AFF2: variants seen among roughly 807,000 people sequenced by gnomAD.
AFF2 encodes the protein AF4/FMR2 family member 2.
In AFF2, 14 loss-of-function variants were observed where a neutral mutation model predicts 76.9. The ratio of observed to expected loss-of-function variants is 0.18; its 90% CI spans 0.12 to 0.28. The LOEUF is 0.28. Among genes scored for constraint, AFF2 ranks in the 10% least tolerant of loss-of-function variants. The pLI is 1.00. For missense variants in AFF2, 868 were observed against 1,001.1 expected, an observed-to-expected ratio of 0.87 and a Z score of 1.79; for synonymous variants, 398 against 366.7, an observed-to-expected ratio of 1.09 and a Z score of -0.98.
chrX:148,781,297 C>T (rs782752252), intron 3 of AFF2, among the ~76,000 whole-genome samples: 3 of 112,388 alleles, frequency 2.7e-5, no homozygotes, highest in Admixed American at 1.9e-4. Flanking sequence ...CAGGCAGGAA[C>T]GTTTAAGTCT....
At chrX:148,922,954 A>G (rs1405606767) in intron 9 of AFF2, among the ~76,000 whole-genome samples, 1 of 112,130 alleles carries the variant, frequency 8.9e-6, no homozygotes, top group African/African-American at 3.2e-5. Flanking sequence ...GTATTCTCTT[A>G]CTTCAAATTC....
At chrX:148,716,997 C>T (rs868925564) in intron 3 of AFF2, among the ~76,000 whole-genome samples, 28 of 112,091 alleles carry the variant, frequency 2.5e-4, no homozygotes, top group African/African-American at 8.4e-4. Context: ...GGAAAACAGT[C>T]TGGCAATTCT....
At chrX:148,908,713 TATG>T (rs782749419) in intron 9 of AFF2, among the ~76,000 whole-genome samples, 3 of 112,376 alleles carry the variant, frequency 2.7e-5, no homozygotes, top group Non-Finnish European at 3.8e-5. Context: ...AATTGGTAAA[TATG>T]AACATGTGTG....
At chrX:148,734,119 C>T (rs1319517547) in intron 3 of AFF2, among the ~76,000 whole-genome samples, 1 of 112,079 alleles carries the variant, frequency 8.9e-6, no homozygotes, top group Non-Finnish European at 1.9e-5. Flanking sequence ...GAAGTGCTTG[C>T]TCTGCACTTT....
intron 16 of AFF2, among the ~76,000 whole-genome samples, chrX:148,976,156 T>G (rs138092145): frequency 1.4e-4 from 15 of 111,044 alleles, no homozygotes; most frequent in African/African-American, 4.9e-4. Context: ...TTTACGAGCA[T>G]TCACTTTAAA....
intron 7 of AFF2, among the ~76,000 whole-genome samples, chrX:148,867,238 A>C (rs190714529): frequency 8.9e-6 from 1 of 112,438 alleles, no homozygotes; most frequent in African/African-American, 3.2e-5. Flanking sequence ...GGCTGAACGC[A>C]TTCCCGTCAT....
chrX:148,914,450 T>C (rs782318856), intron 9 of AFF2, among the ~76,000 whole-genome samples: 2 of 112,118 alleles, frequency 1.8e-5, no homozygotes, highest in East Asian at 5.6e-4. Context: ...GAGAGCAGTG[T>C]AGTGTGGGTG....
At chrX:148,747,664 T>C (rs1031830175) in intron 3 of AFF2, among the ~76,000 whole-genome samples, 2 of 111,732 alleles carry the variant, frequency 1.8e-5, no homozygotes, top group African/African-American at 6.5e-5. Flanking sequence ...CATACTAAAC[T>C]GAGCTACATT....
intron 19 of AFF2, among the ~76,000 whole-genome samples, chrX:148,982,933 A>G (rs1452240057): frequency 8.9e-6 from 1 of 112,614 alleles, no homozygotes; most frequent in Non-Finnish European, 1.9e-5. Context: ...TACTGATAAG[A>G]TTCAAAATAT....
intron 4 of AFF2, among the ~76,000 whole-genome samples, chrX:148,825,760 T>C (rs2070381517): frequency 9.2e-6 from 1 of 108,538 alleles, no homozygotes; most frequent in Non-Finnish European, 1.9e-5. Flanking sequence ...TTTTTTTTTT[T>C]TAAATCATTT....
At chrX:148,828,023 G>A (rs1462098134) in intron 4 of AFF2, among the ~76,000 whole-genome samples, 2 of 42,179 alleles carry the variant, frequency 4.7e-5, no homozygotes, top group Non-Finnish European at 2.1e-4. Context: ...TGAAGTGACT[G>A]TGAAAGGAAA....
chrX:148,938,664 A>G (rs1382043477), intron 9 of AFF2, among the ~76,000 whole-genome samples: 1 of 112,292 alleles, frequency 8.9e-6, no homozygotes, highest in African/African-American at 3.2e-5. Context: ...ATTGATTAAA[A>G]TATCTTTATG....
At chrX:148,978,526 A>G in intron 18 of AFF2, 71 bp downstream of exon 18, 2 of 763,444 alleles carry the variant, frequency 2.6e-6, no homozygotes, top group Middle Eastern at 3.0e-4. Flanking sequence ...CATGCAGGTT[A>G]TCGAATGTCA....
At chrX:148,924,802 TG>T (rs1187957224) in intron 9 of AFF2, among the ~76,000 whole-genome samples, 37 of 111,980 alleles carry the variant, frequency 3.3e-4, no homozygotes, top group African/African-American at 1.2e-3. Context: ...CAACAACCTT[TG>T]GGTAATATAG....
At chrX:148,540,108 A>C (rs1372178304) in intron 1 of AFF2, among the ~76,000 whole-genome samples, 1 of 111,841 alleles carries the variant, frequency 8.9e-6, no homozygotes, top group Non-Finnish European at 1.9e-5. Flanking sequence ...ACTTCCATTA[A>C]TCTAGGGTTA....
rs2072617479 is a variant in AFF2 at position 148,997,480 on chromosome X, A to C, written c.*6148A>C. ...AACTTGTTCTAAAATCTTATTTTTC[A>C]AAAAAAAATTTCCATTTTCTCTCTG... On this transcript the variant is annotated 3_prime_UTR_variant, in exon 21 of 21. Coordinates refer to ENST00000370460, the MANE Select transcript of AFF2 (RefSeq NM_002025.4). 9.0e-6 allele frequency: 1 copy of C among 111,448 alleles called. No individual in the cohort carries two copies. Among genetic ancestry groups the C allele is most frequent in the South Asian group, 3.7e-4 (1 of 2,668 alleles). 9.2% of individuals were successfully genotyped at this position (111,448 alleles called of 1,213,427 possible). A position where few individuals can be genotyped will look rare whatever the true frequency, so the allele number is the denominator to read the frequency against.
At chrX:148,850,792 A>T (rs2070723263) in intron 7 of AFF2, among the ~76,000 whole-genome samples, 1 of 112,159 alleles carries the variant, frequency 8.9e-6, no homozygotes, top group Non-Finnish European at 1.9e-5. Flanking sequence ...GGAGGGGAAG[A>T]TATTTTCCTA....
chrX:148,760,643 G>C (rs1416077717), intron 3 of AFF2, among the ~76,000 whole-genome samples: 1 of 111,836 alleles, frequency 8.9e-6, no homozygotes, highest in Non-Finnish European at 1.9e-5. Flanking sequence ...TTGAGGAGAA[G>C]CAAAATCAGT....
At chrX:148,632,137 CT>C (rs1204834594) in intron 1 of AFF2, among the ~76,000 whole-genome samples, 2 of 111,788 alleles carry the variant, frequency 1.8e-5, no homozygotes, top group East Asian at 5.7e-4. Context: ...AAATAAATAC[CT>C]TCATGTTTAA....
Sources: allele counts gnomAD v4.1 joint callset (sites outside exome capture counted in the v4.1 genomes callset), GRCh38; gene constraint gnomAD v4.1.1; transcripts MANE v1.5; gene names NCBI Gene and HGNC (gene_info 2026-07-23, HGNC 2026-07-21).